Variants in TSNAXIP1 observed in about 807,000 individuals in gnomAD.
TSNAXIP1 encodes the protein translin associated factor X interacting protein 1.
TSNAXIP1 carries 89 observed loss-of-function variants against 84.8 expected under a neutral mutation model. The ratio of observed to expected loss-of-function variants is 1.05; its 90% confidence interval spans 0.88 to 1.25. The LOEUF (loss-of-function observed/expected upper bound fraction) is 1.25. Among genes scored for constraint, TSNAXIP1 ranks in the 50% most tolerant of loss-of-function variants. The pLI, the probability that TSNAXIP1 is intolerant of heterozygous loss-of-function variation, is 0.00. For missense variants in TSNAXIP1, 874 were observed against 887.6 expected (o/e 0.98, Z 0.20); for synonymous variants, 347 against 335.2 (o/e 1.04, Z -0.39).
chr16:67,815,313 CAAAAAA>C (rs561529036), intron 2 of TSNAXIP1, among the ~76,000 whole-genome samples: 16 of 50,040 alleles, frequency 3.2e-4, no homozygotes, highest in Middle Eastern at 8.8e-3. Context: ...GACTACATCT[CAAAAAA>C]AAAAAAAAAA....
At chr16:67,816,777 C>A (rs2056586355) in intron 2 of TSNAXIP1, among the ~76,000 whole-genome samples, 1 of 151,968 alleles carries the variant, frequency 6.6e-6, no homozygotes, top group Non-Finnish European at 1.5e-5. Flanking sequence ...CACGGAGCGC[C>A]CGGGAGCACT....
Position 67,826,292 on chromosome 16 carries a change from G to A in TSNAXIP1, c.1275+10G>A, listed in dbSNP as rs773611818. On this transcript the variant is annotated intron_variant, in intron 10 of 15. Coordinates refer to ENST00000561639, the MANE Select transcript of TSNAXIP1 (RefSeq NM_001288990.3). ...CTTCTTCCCTGGTCTGGTAGGGGAG[G>A]CCCCAGGAGTGGGGCTTGGGCCAGA... 8 of 1,575,424 alleles carry A rather than the reference G, an allele frequency of 5.1e-6. No individual in the cohort carries two copies. Among genetic ancestry groups the A allele is most frequent in the African/African-American group, 1.4e-5 (1 of 74,032 alleles).
At chr16:67,827,209 C>G in intron 13 of TSNAXIP1, 40 bp from the exon 14 acceptor site, 1 of 1,612,954 alleles carries the variant, frequency 6.2e-7, no homozygotes, top group Non-Finnish European at 8.5e-7. Context: ...CACAAGCAGG[C>G]CTCAGCAGGT....
chr16:67,808,938 A>G (rs1237356876), intron 1 of TSNAXIP1, among the ~76,000 whole-genome samples: 5 of 150,880 alleles, frequency 3.3e-5, no homozygotes, highest in Non-Finnish European at 5.9e-5. Context: ...TGTAATCCCA[A>G]TACTTTGGGA....
At chr16:67,814,754 G>A (rs988429348) in intron 2 of TSNAXIP1, among the ~76,000 whole-genome samples, 2 of 152,116 alleles carry the variant, frequency 1.3e-5, no homozygotes, top group African/African-American at 4.8e-5. Context: ...TGTGCTACCT[G>A]CTGGGACGGT....
At position 67,826,748 on chromosome 16, in the gene TSNAXIP1, T is replaced by G; in HGVS notation, c.1458T>G (p.Ser486Arg). 1 of 1,614,152 alleles carries G rather than the reference T, an allele frequency of 6.2e-7. No individual in the cohort carries two copies. The highest frequency in any genetic ancestry group is 1.1e-5 in the South Asian group (1 of 91,080). The change falls in exon 12 of 16, where the codon AGT becomes AGG. Residue 486 changes from serine to arginine, a missense_variant. Transcript: ENST00000561639. ...TCCTGGAGCATCGCTTTGGGCCCAGTGATGCCATGGCCTGGGCTTATACTA... is the reference window on the plus strand; with the variant it reads ...TCCTGGAGCATCGCTTTGGGCCCAGGGATGCCATGGCCTGGGCTTATACTA... ...FNFLEHRFGP[S>R]DAMAWAYTIF...
At chr16:67,810,399 T>C (rs1346650216) in intron 1 of TSNAXIP1, among the ~76,000 whole-genome samples, 1 of 151,924 alleles carries the variant, frequency 6.6e-6, no homozygotes, top group Non-Finnish European at 1.5e-5. Context: ...GGTGGGCAGA[T>C]CATGAGGTCA....
chr16:67,813,224 TA>T (rs1349117107), intron 1 of TSNAXIP1, among the ~76,000 whole-genome samples: 1 of 151,460 alleles, frequency 6.6e-6, no homozygotes, highest in African/African-American at 2.4e-5. Context: ...CCATCTCTAC[TA>T]AAAATACAAA....
chr16:67,813,726 C>G (rs1000468034), intron 1 of TSNAXIP1, among the ~76,000 whole-genome samples: 2 of 100,420 alleles, frequency 2.0e-5, no homozygotes, highest in Non-Finnish European at 4.1e-5. Flanking sequence ...GGTAAGACTC[C>G]GTCTCAAAAA....
intron 5 of TSNAXIP1, among the ~76,000 whole-genome samples, chr16:67,824,018 CAAAAA>C (rs10674785): frequency 1.1e-5 from 1 of 89,156 alleles, no homozygotes; most frequent in Admixed American, 1.3e-4. Context: ...GACTCCATCG[CAAAAA>C]AAAAAAAAAA....
intron 1 of TSNAXIP1, among the ~76,000 whole-genome samples, chr16:67,809,515 C>A (rs2055840840): frequency 6.6e-6 from 1 of 151,634 alleles, no homozygotes. Context: ...CCCAGCTATT[C>A]TGGAGGCTGA....
intron 1 of TSNAXIP1, among the ~76,000 whole-genome samples, chr16:67,810,501 C>T (rs2151190461): frequency 6.6e-6 from 1 of 151,990 alleles, no homozygotes; most frequent in South Asian, 2.1e-4. Context: ...CACCTGCAAT[C>T]CCAGCTACTT....
In TSNAXIP1 at chr16:67,827,084, G is replaced by T. The variant is rs1179177087; in HGVS notation, c.1664+12G>T. 1 of 1,612,978 alleles carries T rather than the reference G, an allele frequency of 6.2e-7. No individual in the cohort carries two copies. Among genetic ancestry groups the T allele is most frequent in the African/African-American group, 1.3e-5 (1 of 74,920 alleles). Reference sequence around the variant, plus strand: ...ATGGAGCAGTTCAAGTGAGAGGCCAGTCCAGGCTACCCCCAACTCCTACCC... The same window carrying T: ...ATGGAGCAGTTCAAGTGAGAGGCCATTCCAGGCTACCCCCAACTCCTACCC... On this transcript the variant is annotated intron_variant, in intron 13 of 15. Coordinates refer to ENST00000561639, the MANE Select transcript of TSNAXIP1 (RefSeq NM_001288990.3).
In TSNAXIP1 at chr16:67,827,515, G is replaced by C. The variant is rs1406637676; in HGVS notation, c.1834G>C (p.Glu612Gln). The C allele has an allele frequency of 6.2e-7, 1 of 1,614,072 alleles. No individual in the cohort carries two copies. The highest frequency in any genetic ancestry group is 1.3e-5 in the African/African-American group (1 of 74,928). Residue 612 changes from glutamate to glutamine, a missense_variant, in exon 15 of 16, where the codon GAA becomes CAA. Coordinates refer to ENST00000561639, the MANE Select transcript of TSNAXIP1 (RefSeq NM_001288990.3). ...TGAGCCCTTTGTGCAAAAACTCTGG[G>C]AACAATACATGGATGAGAAGGACGA... ...QSEPFVQKLW[E>Q]QYMDEKDEYL...
rs1270441791 is a variant in TSNAXIP1, at chr16:67,824,580, T to C, written c.482-3T>C. 1 of 1,613,424 alleles carries C rather than the reference T, an allele frequency of 6.2e-7. No individual in the cohort carries two copies. Among genetic ancestry groups the C allele is most frequent in the South Asian group, 1.1e-5 (1 of 91,048 alleles). On this transcript the variant is annotated splice_region_variant and splice_polypyrimidine_tract_variant and intron_variant, in intron 5 of 15. Transcript: ENST00000561639. ...AGCAGCTCTCCCACCTGTCTCTGCT[T>C]AGCCCACCAAAGGGAGAAGATTCGG... is the stretch of plus-strand genomic sequence containing the variant.
chr16:67,820,786 A>G (rs980295238), intron 2 of TSNAXIP1, 53 bp from the exon 3 acceptor site: 10 of 1,338,990 alleles, frequency 7.5e-6, no homozygotes, highest in Non-Finnish European at 8.1e-6. Flanking sequence ...GGAGAGAAAC[A>G]TTAGGAAGGG....
chr16:67,809,235 C>A, intron 1 of TSNAXIP1, among the ~76,000 whole-genome samples: 1 of 145,650 alleles, frequency 6.9e-6, no homozygotes. Context: ...TTTGGGAGGC[C>A]AAGGTGCGCG....
intron 6 of TSNAXIP1, 71 bp from the exon 7 acceptor site, chr16:67,825,066 C>A: frequency 1.3e-6 from 2 of 1,576,906 alleles, no homozygotes; most frequent in Non-Finnish European, 1.7e-6. Flanking sequence ...ACCCAGCCCA[C>A]TCCCTGGGGT....
rs1347967291 is a variant in TSNAXIP1 at position 67,806,960 on chromosome 16, C to A, written c.-190C>A. On this transcript the variant is annotated 5_prime_UTR_variant, in exon 1 of 16. Transcript: ENST00000561639. ...GGTTGACTCTCAGGGCACCCGCTGCCGGGTCCCAGTCCACCTTTGCTACTT... is the reference window on the plus strand; with the variant it reads ...GGTTGACTCTCAGGGCACCCGCTGCAGGGTCCCAGTCCACCTTTGCTACTT... The A allele has an allele frequency of 5.6e-6, 5 of 885,030 alleles. No individual in the cohort carries two copies. Among genetic ancestry groups the A allele is most frequent in the East Asian group, 5.4e-5 (2 of 37,308 alleles). The allele number at this position is 885,030 out of a possible 1,614,324, so 54.8% of individuals were successfully genotyped here.
Sources: allele counts gnomAD v4.1 joint callset (sites outside exome capture counted in the v4.1 genomes callset), GRCh38; gene constraint gnomAD v4.1.1; transcripts MANE v1.5; gene names NCBI Gene and HGNC (gene_info 2026-07-23, HGNC 2026-07-21).